THSD7A: variants seen among roughly 807,000 people sequenced by gnomAD.
THSD7A encodes the protein thrombospondin type 1 domain containing 7A.
Under a neutral mutation model 231.3 loss-of-function variants are expected in THSD7A, and 96 were observed. The observed-to-expected ratio is 0.41, with a 90% CI of 0.35 to 0.49. THSD7A has a LOEUF of 0.49. THSD7A is among the 20% of genes least tolerant of loss of function. The probability of loss-of-function intolerance (pLI) is 0.05; values close to 1 mark genes in which losing one functional copy is unlikely to be tolerated. For synonymous variants in THSD7A, 940 were observed against 743.3 expected (o/e 1.26, Z -4.30); for missense variants, 2,290 against 2,070.2 (o/e 1.11, Z -2.06).
intron 1 of THSD7A, among the ~76,000 whole-genome samples, chr7:11,692,898 T>C (rs776732075): frequency 6.6e-6 from 1 of 151,584 alleles, no homozygotes; most frequent in African/African-American, 2.4e-5. Context: ...ATCAAGTCTA[T>C]GGCTTCACAG....
intron 2 of THSD7A, among the ~76,000 whole-genome samples, chr7:11,603,789 A>G (rs1780635052): frequency 6.6e-6 from 1 of 150,428 alleles, no homozygotes; most frequent in African/African-American, 2.5e-5. Context: ...CAAAAAACCA[A>G]ACACCGCATA....
In THSD7A at chr7:11,417,336, G is replaced by GCAAA; in HGVS notation, c.3537+110_3537+113dup. The GCAAA allele has an allele frequency of 3.7e-6, 4 of 1,076,804 alleles. No homozygotes were observed. In the South Asian group the frequency reaches 5.3e-5, roughly 14 times the overall value. 66.7% of individuals were successfully genotyped at this position (1,076,804 alleles called of 1,614,324 possible). A position where few individuals can be genotyped will look rare whatever the true frequency, so the allele number is the denominator to read the frequency against. On this transcript the variant is annotated intron_variant, in intron 17 of 27. Transcript: ENST00000423059. ...GACACACCTTGCTTTGCTAAATATGGCAAACAAACAGATTTTACATTGAAG... is the reference window on the plus strand; with the variant it reads ...GACACACCTTGCTTTGCTAAATATGGCAAACAAACAAACAGATTTTACATTGAAG...
At chr7:11,524,543 C>G (rs988580069) in intron 6 of THSD7A, among the ~76,000 whole-genome samples, 3 of 152,106 alleles carry the variant, frequency 2.0e-5, no homozygotes, top group Admixed American at 1.3e-4. Context: ...TTTAAAAGAC[C>G]GATGAACATT....
intron 4 of THSD7A, among the ~76,000 whole-genome samples, chr7:11,551,479 G>A (rs1202154864): frequency 6.6e-6 from 1 of 151,898 alleles, no homozygotes; most frequent in South Asian, 2.1e-4. Context: ...AATCTATAAG[G>A]AACTTAAACA....
rs1461894241 is a variant in THSD7A, at chr7:11,446,450, T to C, written c.2801-126A>G. ...TTTAACCATATTTAACAGTAGCCTA[T>C]AAATCAATGCTATTTTCTCATTCCA... On this transcript the variant is annotated intron_variant, in intron 12 of 27. Coordinates refer to ENST00000423059, the MANE Select transcript of THSD7A (RefSeq NM_015204.3). The surrounding 1 kb of genome is among the most constrained non-coding windows in gnomAD (Gnocchi z 4.0). 1.9e-6 allele frequency: 2 copies of C among 1,080,674 alleles called. No homozygotes were observed. Among genetic ancestry groups the C allele is most frequent in the South Asian group, 1.6e-5 (1 of 63,904 alleles). 66.9% of individuals were successfully genotyped at this position (1,080,674 alleles called of 1,614,324 possible).
Position 11,526,418 on chromosome 7 carries a change from C to T in THSD7A, c.1822+15001G>A, listed in dbSNP as rs531491793. ...AGAGAGTATACTCTATCCACTGTGC[C>T]CCTTGGCACATTGAGCATGTCTCTA... is the stretch of plus-strand genomic sequence containing the variant. On this transcript the variant is annotated intron_variant, in intron 6 of 27. Transcript: ENST00000423059. 4.0e-4 allele frequency among the ~76,000 whole-genome samples: 61 copies of T among 152,268 alleles called. 1 individual carries two copies. The highest frequency in any genetic ancestry group is 1.4e-3 in the African/African-American group (60 of 41,548).
chr7:11,507,090 G>A (rs11761690), intron 6 of THSD7A, among the ~76,000 whole-genome samples: 17 of 152,066 alleles, frequency 1.1e-4, no homozygotes, highest in Admixed American at 1.0e-3. Flanking sequence ...GTAAATAAGT[G>A]AGCATGATAC....
chr7:11,426,603 G>T, intron 15 of THSD7A, 63 bp downstream of exon 15: 1 of 1,470,576 alleles, frequency 6.8e-7, no homozygotes, highest in Non-Finnish European at 9.1e-7. Context: ...TGTATTCTCA[G>T]AAATCAGGAA....
intron 1 of THSD7A, among the ~76,000 whole-genome samples, chr7:11,768,664 T>C (rs1317234006): frequency 6.6e-6 from 1 of 152,160 alleles, no homozygotes; most frequent in Non-Finnish European, 1.5e-5. Context: ...ATTAAAAAGG[T>C]GTCGGCAGAC....
At chr7:11,789,812 C>T (rs1390597920) in intron 1 of THSD7A, among the ~76,000 whole-genome samples, 1 of 151,928 alleles carries the variant, frequency 6.6e-6, no homozygotes, top group Non-Finnish European at 1.5e-5. Flanking sequence ...TGCATCTGTA[C>T]TTTCCTTTTG....
chr7:11,579,928 C>T (rs1359920026), intron 4 of THSD7A, among the ~76,000 whole-genome samples: 1 of 152,144 alleles, frequency 6.6e-6, no homozygotes, highest in African/African-American at 2.4e-5. Flanking sequence ...GGACAAAAAT[C>T]TATGTTAGAA....
intron 1 of THSD7A, among the ~76,000 whole-genome samples, chr7:11,703,479 T>G (rs1780669682): frequency 3.3e-5 from 5 of 151,214 alleles, no homozygotes; most frequent in Admixed American, 3.3e-4. Flanking sequence ...TTGTATTTCC[T>G]CTCTCATTAA....
intron 1 of THSD7A, among the ~76,000 whole-genome samples, chr7:11,773,095 C>A (rs1381967513): frequency 6.6e-6 from 1 of 152,030 alleles, no homozygotes; most frequent in Non-Finnish European, 1.5e-5. Flanking sequence ...ATAATAAAGG[C>A]CCCATCATAT....
At chr7:11,465,694 G>A (rs932207552) in intron 9 of THSD7A, among the ~76,000 whole-genome samples, 2 of 152,002 alleles carry the variant, frequency 1.3e-5, no homozygotes, top group African/African-American at 4.8e-5. Flanking sequence ...ATCTTTGGTG[G>A]TAATTCTAGT....
At position 11,377,699 on chromosome 7, in the gene THSD7A, C is replaced by T. The variant is rs1782330054; in HGVS notation, c.4802-1042G>A. 1.3e-5 allele frequency among the ~76,000 whole-genome samples: 2 copies of T among 151,972 alleles called. No homozygotes were observed. The highest frequency in any genetic ancestry group is 1.3e-4 in the Admixed American group (2 of 15,232). On this transcript the variant is annotated intron_variant, in intron 26 of 27. Coordinates refer to ENST00000423059, the MANE Select transcript of THSD7A (RefSeq NM_015204.3). This position sits in a 1 kb window ranked among gnomAD's most constrained non-coding sequence, Gnocchi z 4.5. ...CAGTTTAGAATCAAAAGAGCTGTTC[C>T]ACGATTGAGGATCTCTGTTGAGAGT...
intron 1 of THSD7A, among the ~76,000 whole-genome samples, chr7:11,666,283 A>G (rs1045678529): frequency 6.6e-6 from 1 of 152,082 alleles, no homozygotes; most frequent in Non-Finnish European, 1.5e-5. Flanking sequence ...AACATGAAAT[A>G]CATTAATGTT....
intron 6 of THSD7A, among the ~76,000 whole-genome samples, chr7:11,529,555 T>C (rs1788616187): frequency 6.6e-6 from 1 of 151,478 alleles, no homozygotes; most frequent in Non-Finnish European, 1.5e-5. Context: ...AGTGAGGGAG[T>C]TTTGACAAGA....
At chr7:11,553,097 C>G (rs1583961094) in intron 4 of THSD7A, among the ~76,000 whole-genome samples, 1 of 151,994 alleles carries the variant, frequency 6.6e-6, no homozygotes, top group East Asian at 1.9e-4. Context: ...GGGTATATAC[C>G]CCAGACAACA....
chr7:11,705,081 T>C (rs1013111478), intron 1 of THSD7A, among the ~76,000 whole-genome samples: 7 of 151,020 alleles, frequency 4.6e-5, no homozygotes, highest in Non-Finnish European at 8.9e-5. Flanking sequence ...ATTACTTATA[T>C]AGAGAGAGGA....
Sources: gnomAD v4.1 joint callset for allele counts (sites outside exome capture counted in the v4.1 genomes callset) on GRCh38, gnomAD v4.1.1 for gene constraint, Gnocchi (gnomAD v3.1) non-coding constraint, MANE v1.5 for transcripts, NCBI Gene and HGNC (gene_info 2026-07-23, HGNC 2026-07-21) for gene names.